Variants in ANKS1B observed in about 807,000 individuals in gnomAD.
The protein encoded by ANKS1B is ankyrin repeat and sterile alpha motif domain containing 1B, also known as ankyrin repeat and sterile alpha motif domain-containing protein 1B.
ANKS1B carries 36 observed loss-of-function variants against 148.3 expected under a neutral mutation model. The ratio of observed to expected loss-of-function variants is 0.24; its 90% confidence interval spans 0.19 to 0.32. ANKS1B has a LOEUF of 0.32. ANKS1B is among the 10% of genes least tolerant of loss of function. The pLI is 1.00. For synonymous variants in ANKS1B, 542 were observed against 560.8 expected (o/e 0.97, Z 0.47); for missense variants, 1,157 against 1,542.6 (o/e 0.75, Z 4.19).
intron 14 of ANKS1B, among the ~76,000 whole-genome samples, chr12:99,237,810 T>C (rs2088306205): frequency 6.6e-6 from 1 of 152,148 alleles, no homozygotes; most frequent in Admixed American, 6.5e-5. Flanking sequence ...GAAGACAGGG[T>C]CTCACTATCT....
chr12:99,260,896 T>C (rs1602171438), intron 12 of ANKS1B, among the ~76,000 whole-genome samples: 1 of 152,156 alleles, frequency 6.6e-6, no homozygotes, highest in South Asian at 2.1e-4. Flanking sequence ...GCTGGAAAGA[T>C]CCACTTTAGC....
intron 12 of ANKS1B, among the ~76,000 whole-genome samples, chr12:99,388,680 A>G (rs1259294221): frequency 6.6e-6 from 1 of 152,160 alleles, no homozygotes; most frequent in African/African-American, 2.4e-5. Context: ...TCAGGGTCTC[A>G]TTTAGATATT....
At chr12:99,779,172 G>A (rs142707272) in intron 6 of ANKS1B, among the ~76,000 whole-genome samples, 2 of 152,302 alleles carry the variant, frequency 1.3e-5, no homozygotes, top group African/African-American at 4.8e-5. Flanking sequence ...AATAACAAAA[G>A]TCGTACCTAG....
intron 14 of ANKS1B, among the ~76,000 whole-genome samples, chr12:99,231,532 AGAATT>A (rs2086846132): frequency 1.3e-5 from 2 of 152,142 alleles, no homozygotes; most frequent in South Asian, 4.1e-4. Context: ...AGTTGTTTTG[AGAATT>A]GAATACAAAA....
chr12:98,823,512 C>A (rs2099218577), intron 19 of ANKS1B, among the ~76,000 whole-genome samples: 1 of 152,226 alleles, frequency 6.6e-6, no homozygotes, highest in African/African-American at 2.4e-5. Flanking sequence ...TTCTTTGAGA[C>A]AGAGTCTCCC....
intron 14 of ANKS1B, among the ~76,000 whole-genome samples, chr12:99,163,034 G>A (rs1317269002): frequency 6.6e-6 from 1 of 151,704 alleles, no homozygotes; most frequent in Non-Finnish European, 1.5e-5. Flanking sequence ...CTCCAGCCTG[G>A]GCGACAGAGC....
intron 9 of ANKS1B, among the ~76,000 whole-genome samples, chr12:99,562,064 T>A (rs1253288114): frequency 1.3e-5 from 2 of 152,206 alleles, no homozygotes; most frequent in African/African-American, 2.4e-5. Flanking sequence ...AACACTAATA[T>A]CCTTGTACAT....
At chr12:99,473,417 C>T (rs769498483) in intron 10 of ANKS1B, among the ~76,000 whole-genome samples, 6 of 151,680 alleles carry the variant, frequency 4.0e-5, no homozygotes, top group African/African-American at 7.3e-5. Flanking sequence ...AGTGAATATC[C>T]GTGAGAGACT....
At chr12:99,928,326 C>T (rs1351430788) in intron 1 of ANKS1B, among the ~76,000 whole-genome samples, 2 of 147,918 alleles carry the variant, frequency 1.4e-5, no homozygotes, top group Non-Finnish European at 3.0e-5. Flanking sequence ...GGCCGGACTG[C>T]GGACTGCAGT....
At chr12:99,907,677 C>T (rs2093834747) in intron 1 of ANKS1B, among the ~76,000 whole-genome samples, 1 of 152,098 alleles carries the variant, frequency 6.6e-6, no homozygotes, top group South Asian at 2.1e-4. Context: ...GTGTTCTTTG[C>T]TGTTTCTCTG....
At chr12:99,800,777 T>G (rs1184977865) in intron 4 of ANKS1B, among the ~76,000 whole-genome samples, 1 of 152,124 alleles carries the variant, frequency 6.6e-6, no homozygotes, top group Non-Finnish European at 1.5e-5. Context: ...GATAGATATG[T>G]CCAGTAGGGA....
chr12:98,762,718 G>T (rs1473170952), intron 25 of ANKS1B, among the ~76,000 whole-genome samples: 1 of 152,084 alleles, frequency 6.6e-6, no homozygotes, highest in African/African-American at 2.4e-5. Context: ...GCTAAGTTAG[G>T]TGCCCCTCCT....
chr12:99,461,308 C>G (rs1225560253), intron 10 of ANKS1B, among the ~76,000 whole-genome samples: 1 of 151,682 alleles, frequency 6.6e-6, no homozygotes, highest in Non-Finnish European at 1.5e-5. Context: ...GGATAAAAGT[C>G]TACACATTGG....
chr12:99,281,499 C>T (rs1188287947), intron 12 of ANKS1B, among the ~76,000 whole-genome samples: 1 of 152,132 alleles, frequency 6.6e-6, no homozygotes, highest in Non-Finnish European at 1.5e-5. Context: ...AATTCAGTGG[C>T]AATGTTCAGA....
chr12:99,584,840 G>A (rs1398784353), intron 9 of ANKS1B, among the ~76,000 whole-genome samples: 1 of 151,976 alleles, frequency 6.6e-6, no homozygotes, highest in Admixed American at 6.6e-5. Context: ...CATGAGAATG[G>A]CACAGGAAAA....
At chr12:99,676,392 A>G (rs745582640) in intron 8 of ANKS1B, among the ~76,000 whole-genome samples, 3 of 152,194 alleles carry the variant, frequency 2.0e-5, no homozygotes, top group Non-Finnish European at 4.4e-5. Context: ...CCTATTTTCC[A>G]AATTGTCTAT....
At chr12:99,178,947 A>G (rs2078748519) in intron 14 of ANKS1B, among the ~76,000 whole-genome samples, 1 of 152,228 alleles carries the variant, frequency 6.6e-6, no homozygotes, top group Non-Finnish European at 1.5e-5. Flanking sequence ...AATTGGGATA[A>G]TAAAAATAAT....
intron 15 of ANKS1B, among the ~76,000 whole-genome samples, chr12:99,131,231 T>A (rs1228215061): frequency 6.6e-6 from 1 of 152,202 alleles, no homozygotes; most frequent in African/African-American, 2.4e-5. Context: ...AACACTTGGT[T>A]TAAGCAATGA....
At chr12:98,743,133 A>C (rs1389601375), downstream of ANKS1B, among the ~76,000 whole-genome samples, 1 of 152,174 alleles carries the variant, frequency 6.6e-6, no homozygotes, top group Non-Finnish European at 1.5e-5. Context: ...GCTACCTTGA[A>C]TCCAGGTGTG....
Sources: gnomAD v4.1 joint callset for allele counts (sites outside exome capture counted in the v4.1 genomes callset) on GRCh38, gnomAD v4.1.1 for gene constraint, MANE v1.5 for transcripts, NCBI Gene and HGNC (gene_info 2026-07-23, HGNC 2026-07-21) for gene names.